The following MCAM variants were observed in gnomAD, a reference collection of about 807,000 sequenced individuals.
MCAM encodes the protein cell surface glycoprotein MUC18.
A neutral mutation model predicts 79.1 loss-of-function variants in MCAM; 55 were observed. The ratio of observed to expected loss-of-function variants is 0.70; its 90% CI spans 0.56 to 0.87. MCAM has a LOEUF of 0.87. MCAM is among the 40% of genes least tolerant of loss of function. The probability of loss-of-function intolerance (pLI) is 0.00; values close to 1 mark genes in which losing one functional copy is unlikely to be tolerated. For missense variants in MCAM, 745 were observed against 839.8 expected (o/e 0.89, Z 1.40); for synonymous variants, 330 against 339.8 (o/e 0.97, Z 0.32).
chr11:119,310,831 G>A lies in MCAM; in HGVS notation c.1718C>T (p.Ala573Val), dbSNP rs760113555. Residue 573 changes from alanine (A) to valine (V), a missense_variant, in exon 14 of 16, where the codon GCG becomes GTG. Physicochemically the swap from Ala to Val is moderately conservative, Grantham distance 64. Transcript: ENST00000264036. ...VAVIVCILVLAVLGAVLYFLY... is the reference protein window; with the variant it reads ...VAVIVCILVLVVLGAVLYFLY... ...GAAATAGAGGACAGCGCCCAGCACC[G>A]CCAGGACCAGGATGCACACAATCAC... The A allele has an allele frequency of 8.7e-6, 14 of 1,614,048 alleles. No homozygotes were observed. The highest frequency in any genetic ancestry group is 1.6e-4 in the Middle Eastern group (1 of 6,084).
chr11:119,310,241 C>T, intron 15 of MCAM, 108 bp downstream of exon 15: 1 of 804,730 alleles, frequency 1.2e-6, no homozygotes, highest in South Asian at 1.5e-5. Context: ...ATGGGGCCTG[C>T]TCCCTATCTC....
rs1273420147 is a variant in MCAM at position 119,308,706 on chromosome 11, T to C, written c.*1180A>G. On this transcript the variant is annotated 3_prime_UTR_variant, in exon 16 of 16. Transcript: ENST00000264036. ...CACCCGAAGCTCTAGCCAGGCCCGT[T>C]TTCCATCCCTAAGTACCATTCTCTC... 6.6e-6 allele frequency: 1 copy of C among 152,086 alleles called. No individual in the cohort carries two copies. The highest frequency in any genetic ancestry group is 2.4e-5 in the African/African-American group (1 of 41,398). The allele number at this position is 152,086 out of a possible 1,614,324, so 9.4% of individuals were successfully genotyped here.
At position 119,315,397 on chromosome 11, in the gene MCAM, T is replaced by A. The variant is rs1950298106; in HGVS notation, c.68-134A>T. ...AGAGGGCCCTGTCCTCTGAACGCTC[T>A]ACCCCCACCCCGACCCGCGCCCCAC... On this transcript the variant is annotated intron_variant, in intron 1 of 15. Transcript: ENST00000264036. The surrounding 1 kb of genome is among the most constrained non-coding windows in gnomAD (Gnocchi z 4.4). The A allele has an allele frequency of 1.7e-6, 2 of 1,186,802 alleles. No individual in the cohort carries two copies. The highest frequency in any genetic ancestry group is 4.9e-5 in the Admixed American group (2 of 41,136). 73.5% of individuals were successfully genotyped at this position (1,186,802 alleles called of 1,614,324 possible).
At position 119,311,503 on chromosome 11, in the gene MCAM, A is replaced by T. The variant is rs1213287724; in HGVS notation, c.1407+27T>A. 1 of 1,613,898 alleles carries T rather than the reference A, an allele frequency of 6.2e-7. No homozygotes were observed. The highest frequency in any genetic ancestry group is 1.3e-5 in the African/African-American group (1 of 74,882). On this transcript the variant is annotated intron_variant, in intron 11 of 15. Coordinates refer to ENST00000264036, the MANE Select transcript of MCAM (RefSeq NM_006500.3). The surrounding 1 kb of genome is among the most constrained non-coding windows in gnomAD (Gnocchi z 4.4). Reference sequence around the variant, plus strand: ...ACAAAGCGCAGGCAGGGATTAGGAGAGTGTGGCAGATGAGACACCCGCTCA... The same window carrying T: ...ACAAAGCGCAGGCAGGGATTAGGAGTGTGTGGCAGATGAGACACCCGCTCA...
chr11:119,316,340 C>T lies in MCAM; in HGVS notation c.67+695G>A, dbSNP rs1950310716. Among the ~76,000 whole-genome samples the T allele has an allele frequency of 6.6e-6, 1 of 152,236 alleles. No homozygotes were observed. Among genetic ancestry groups the T allele is most frequent in the African/African-American group, 2.4e-5 (1 of 41,470 alleles). On this transcript the variant is annotated intron_variant, in intron 1 of 15. Transcript: ENST00000264036. The surrounding 1 kb of genome is among the most constrained non-coding windows in gnomAD (Gnocchi z 4.8). ...GACCCGAGAGCGCCCTGCTACCAGG[C>T]GGATCCGGAGAAACGCTCCGAGGTG...
chr11:119,311,366 A>G lies in MCAM; in HGVS notation c.1463T>C (p.Val488Ala), dbSNP rs752486930. Residue 488 changes from valine (V) to alanine (A), a missense_variant, in exon 12 of 16, where the codon GTG (valine) becomes GCG (alanine). Transcript: ENST00000264036. This position sits in a 1 kb window ranked among gnomAD's most constrained non-coding sequence, Gnocchi z 4.4. ...ACCTGTCTCCAACAGCTCCGGGGTC[A>G]CGAGGACATTCAGGGTGCTCAGGAC... ...QRVLSTLNVLVTPELLETGVE... is the reference protein window; with the variant it reads ...QRVLSTLNVLATPELLETGVE... 3.1e-6 allele frequency: 5 copies of G among 1,614,110 alleles called. No homozygotes were observed. Among genetic ancestry groups the G allele is most frequent in the Non-Finnish European group, 4.2e-6 (5 of 1,180,042 alleles).
rs1253400544 is a variant in MCAM, at chr11:119,311,511, A to G, written c.1407+19T>C. ...CAGGCAGGGATTAGGAGAGTGTGGC[A>G]GATGAGACACCCGCTCACCGTGCCG... is the stretch of plus-strand genomic sequence containing the variant. On this transcript the variant is annotated intron_variant, in intron 11 of 15. Transcript: ENST00000264036. This position sits in a 1 kb window ranked among gnomAD's most constrained non-coding sequence, Gnocchi z 4.4. 5 of 1,614,146 alleles carry G rather than the reference A, an allele frequency of 3.1e-6. No homozygotes were observed. Among genetic ancestry groups the G allele is most frequent in the Non-Finnish European group, 4.2e-6 (5 of 1,179,990 alleles).
intron 4 of MCAM, 35 bp from the exon 5 acceptor site, chr11:119,314,611 G>C (rs769555286): frequency 5.0e-6 from 8 of 1,610,884 alleles, no homozygotes; most frequent in African/African-American, 2.7e-5. Context: ...CCCTGCCTCC[G>C]AGCCCCCTTC....
Position 119,317,004 on chromosome 11 carries a change from C to T in MCAM, c.67+31G>A, listed in dbSNP as rs1950317716. Reference sequence around the variant, plus strand: ...GCACGCTCCACCGCAGACCCCTAGCCGGGGCGCGGCCCCCCTGCGAGCGAA... The same window carrying T: ...GCACGCTCCACCGCAGACCCCTAGCTGGGGCGCGGCCCCCCTGCGAGCGAA... On this transcript the variant is annotated intron_variant, in intron 1 of 15. Coordinates refer to ENST00000264036, the MANE Select transcript of MCAM (RefSeq NM_006500.3). The surrounding 1 kb of genome is among the most constrained non-coding windows in gnomAD (Gnocchi z 6.2). 2.0e-6 allele frequency: 3 copies of T among 1,519,358 alleles called. No homozygotes were observed. Among genetic ancestry groups the T allele is most frequent in the Non-Finnish European group, 2.6e-6 (3 of 1,135,646 alleles). 94.1% of individuals were successfully genotyped at this position (1,519,358 alleles called of 1,614,324 possible).
Position 119,311,799 on chromosome 11 carries a change from G to A in MCAM, c.1285+9C>T, listed in dbSNP as rs374136886. 17 of 1,613,838 alleles carry A rather than the reference G, an allele frequency of 1.1e-5. No homozygotes were observed. The African/African-American group carries it at 2.0e-4, about 19-fold the overall frequency. ...GTGACCTGGTCTCTACCCAGAGGGAGGGCCTCACCAAAAATGGCCACGTTG... is the reference window on the plus strand; with the variant it reads ...GTGACCTGGTCTCTACCCAGAGGGAAGGCCTCACCAAAAATGGCCACGTTG... On this transcript the variant is annotated intron_variant, in intron 10 of 15. Transcript: ENST00000264036. This position sits in a 1 kb window ranked among gnomAD's most constrained non-coding sequence, Gnocchi z 4.4.
chr11:119,314,858 C>T lies in MCAM; in HGVS notation c.375G>A (p.Glu125=). ...LCQGKRPRSQ[E]YRIQLRVYKA... ...TGTAGACGCGGAGCTGGATGCGGTA[C>T]TCCTGGGACCGAGGGCGCTTGCCCT... Residue 125 remains glutamate, a synonymous_variant, in exon 3 of 16, where the codon GAG becomes GAA. Coordinates refer to ENST00000264036, the MANE Select transcript of MCAM (RefSeq NM_006500.3). The T allele has an allele frequency of 1.2e-6, 2 of 1,613,734 alleles. No individual in the cohort carries two copies. The highest frequency in any genetic ancestry group is 2.7e-5 in the African/African-American group (2 of 75,062).
rs1344757074 is a variant in MCAM at position 119,316,202 on chromosome 11, C to A, written c.67+833G>T. ...TGGTTGGCACTGGGCATGAGGCCAG[C>A]GAGCTGGGTATTGCCTAGCCCTCCC... On this transcript the variant is annotated intron_variant, in intron 1 of 15. Coordinates refer to ENST00000264036, the MANE Select transcript of MCAM (RefSeq NM_006500.3). The surrounding 1 kb of genome is among the most constrained non-coding windows in gnomAD (Gnocchi z 4.8). 7 of 152,258 alleles carry A rather than the reference C, an allele frequency of 4.6e-5. No homozygotes were observed. The highest frequency in any genetic ancestry group is 8.8e-5 in the Non-Finnish European group (6 of 68,070). 9.4% of individuals were successfully genotyped at this position (152,258 alleles called of 1,614,324 possible).
At chr11:119,310,723 G>A (rs374524218) in intron 14 of MCAM, 33 bp downstream of exon 14, 448 of 1,602,710 alleles carry the variant, frequency 2.8e-4, no homozygotes, top group Non-Finnish European at 3.6e-4. Flanking sequence ...GTGGCAAAAC[G>A]GGCGGGGGCG....
Position 119,312,237 on chromosome 11 carries a change from C to T in MCAM, c.1024+29G>A. The T allele has an allele frequency of 2.5e-6, 4 of 1,612,858 alleles. No individual in the cohort carries two copies. The highest frequency in any genetic ancestry group is 3.4e-6 in the Non-Finnish European group (4 of 1,179,200). ...CAGTTCCCTATTGCCCCAGCCTGGTCCCCCTGTCCTGGGTCCCCAGCCCCT... is the reference window on the plus strand; with the variant it reads ...CAGTTCCCTATTGCCCCAGCCTGGTTCCCCTGTCCTGGGTCCCCAGCCCCT... On this transcript the variant is annotated intron_variant, in intron 8 of 15. Coordinates refer to ENST00000264036, the MANE Select transcript of MCAM (RefSeq NM_006500.3). The surrounding 1 kb of genome is among the most constrained non-coding windows in gnomAD (Gnocchi z 4.9).
rs780780152 is a variant in MCAM, at chr11:119,312,038, A to C, written c.1143+14T>G. 6.2e-7 allele frequency: 1 copy of C among 1,605,870 alleles called. No individual in the cohort carries two copies. The highest frequency in any genetic ancestry group is 1.7e-5 in the Admixed American group (1 of 59,690). The stretch of plus-strand genomic sequence containing the variant: ...CCACCCCATCAGCCCCTTGCCCCAG[A>C]CCCGCCTGGGTACCTCTTCTCTCAG... On this transcript the variant is annotated intron_variant, in intron 9 of 15. Transcript: ENST00000264036. This position sits in a 1 kb window ranked among gnomAD's most constrained non-coding sequence, Gnocchi z 4.9.
rs1950283749 is a variant in MCAM at position 119,314,723 on chromosome 11, C to T, written c.427G>A (p.Val143Ile). The T allele has an allele frequency of 1.2e-6, 2 of 1,613,844 alleles. No homozygotes were observed. Among genetic ancestry groups the T allele is most frequent in the East Asian group, 4.5e-5 (2 of 44,888 alleles). The change falls in exon 4 of 16, where the codon GTC (valine) becomes ATC (isoleucine). Residue 143 changes from valine (V) to isoleucine (I), a missense_variant. Transcript: ENST00000264036. ...YKAPEEPNIQ[V>I]NPLGIPVNSK... ...TTCACAGGGATGCCCAGGGGGTTGACCTGGATGTTTGGCTCCTCCGGAGCT... is the reference window on the plus strand; with the variant it reads ...TTCACAGGGATGCCCAGGGGGTTGATCTGGATGTTTGGCTCCTCCGGAGCT...
Position 119,313,024 on chromosome 11 carries a change from G to A in MCAM, c.560-75C>T, listed in dbSNP as rs771134357. 3.1e-6 allele frequency: 5 copies of A among 1,603,660 alleles called. No individual in the cohort carries two copies. The South Asian group carries it at 4.4e-5, about 14-fold the overall frequency. ...CCCCACCCTAGGGTTGTCCACTGGG[G>A]TTGGCAGGGGACCATCTAAATAGCC... On this transcript the variant is annotated intron_variant, in intron 5 of 15. Coordinates refer to ENST00000264036, the MANE Select transcript of MCAM (RefSeq NM_006500.3).
At position 119,315,073 on chromosome 11, in the gene MCAM, T is replaced by A. The variant is rs1555032938; in HGVS notation, c.193-33A>T. 2 of 1,610,230 alleles carry A rather than the reference T, an allele frequency of 1.2e-6. No individual in the cohort carries two copies. Among genetic ancestry groups the A allele is most frequent in the Non-Finnish European group, 1.7e-6 (2 of 1,179,696 alleles). ...GAGGAGACACAGAGGAGGAGAAGGG[T>A]CCTGGGCTACAAGAGGGGCAGAGTC... On this transcript the variant is annotated intron_variant, in intron 2 of 15. Coordinates refer to ENST00000264036, the MANE Select transcript of MCAM (RefSeq NM_006500.3). The surrounding 1 kb of genome is among the most constrained non-coding windows in gnomAD (Gnocchi z 4.4).
chr11:119,312,243 G>A lies in MCAM; in HGVS notation c.1024+23C>T. The A allele has an allele frequency of 6.2e-7, 1 of 1,613,538 alleles. No homozygotes were observed. Among genetic ancestry groups the A allele is most frequent in the East Asian group, 2.2e-5 (1 of 44,870 alleles). ...CCTATTGCCCCAGCCTGGTCCCCCTGTCCTGGGTCCCCAGCCCCTCACAGT... is the reference window on the plus strand; with the variant it reads ...CCTATTGCCCCAGCCTGGTCCCCCTATCCTGGGTCCCCAGCCCCTCACAGT... On this transcript the variant is annotated intron_variant, in intron 8 of 15. Coordinates refer to ENST00000264036, the MANE Select transcript of MCAM (RefSeq NM_006500.3). This position sits in a 1 kb window ranked among gnomAD's most constrained non-coding sequence, Gnocchi z 4.9.
Sources: gnomAD v4.1 joint callset for allele counts (sites outside exome capture counted in the v4.1 genomes callset) on GRCh38, gnomAD v4.1.1 for gene constraint, Gnocchi (gnomAD v3.1) non-coding constraint, MANE v1.5 for transcripts, NCBI Gene and HGNC (gene_info 2026-07-23, HGNC 2026-07-21) for gene names.